Variants in PDE4D observed in about 807,000 individuals in gnomAD.
PDE4D encodes 3',5'-cyclic-AMP phosphodiesterase 4D.
A neutral mutation model predicts 87.4 loss-of-function variants in PDE4D; 24 were observed. That is an observed-to-expected ratio of 0.27 (90% CI 0.20 to 0.39). The LOEUF is 0.39. PDE4D is among the 10% of genes least tolerant of loss of function. PDE4D has a pLI of 1.00. For missense variants in PDE4D, 714 were observed against 1,041.0 expected, an observed-to-expected ratio of 0.69 and a Z score of 4.32; for synonymous variants, 384 against 383.2, an observed-to-expected ratio of 1.00 and a Z score of -0.02.
intron 1 of PDE4D, chr5:59,275,942 C>T: frequency 2.0e-6 from 2 of 985,222 alleles, no homozygotes; most frequent in Non-Finnish European, 2.4e-6. Flanking sequence ...ACAAATCTCT[C>T]CACACTTTGG....
chr5:60,391,730 C>G (rs1365546180), intron 1 of PDE4D, among the ~76,000 whole-genome samples: 1 of 152,178 alleles, frequency 6.6e-6, no homozygotes, highest in Non-Finnish European at 1.5e-5. Flanking sequence ...TTAATTCCAT[C>G]CACAATCTTA....
intron 1 of PDE4D, among the ~76,000 whole-genome samples, chr5:60,243,756 C>G (rs1268772211): frequency 3.9e-5 from 6 of 151,936 alleles, no homozygotes; most frequent in Admixed American, 2.6e-4. Flanking sequence ...ATTTCACATC[C>G]CTTTATGGTA....
intron 1 of PDE4D, among the ~76,000 whole-genome samples, chr5:59,528,191 A>G (rs1268247063): frequency 6.6e-6 from 1 of 152,230 alleles, no homozygotes; most frequent in East Asian, 1.9e-4. Context: ...TATACTGAGT[A>G]CAATCAGAAA....
At chr5:58,987,324 T>A (rs1218606878) in intron 11 of PDE4D, among the ~76,000 whole-genome samples, 1 of 152,164 alleles carries the variant, frequency 6.6e-6, no homozygotes, top group Admixed American at 6.5e-5. Flanking sequence ...GATAAATAAG[T>A]TCCTAAACTA....
intron 1 of PDE4D, among the ~76,000 whole-genome samples, chr5:59,585,363 C>A (rs1251620107): frequency 6.6e-6 from 1 of 152,166 alleles, no homozygotes; most frequent in Non-Finnish European, 1.5e-5. Context: ...GGAAAGCCCT[C>A]CGAAACCTAT....
intron 1 of PDE4D, among the ~76,000 whole-genome samples, chr5:59,724,552 GT>G (rs1202426130): frequency 6.6e-6 from 1 of 152,010 alleles, no homozygotes; most frequent in Non-Finnish European, 1.5e-5. Context: ...GAAAATACAT[GT>G]TTTTGTTTAT....
rs1158022321 is a variant in PDE4D at position 60,474,105 on chromosome 5, CATATATATATATATATATAT to C, written c.-90+13817_-90+13836del. ...TACTGTCTCAGTCCCTTTGAGCTGC[CATATATATATATATATATAT>C]ATATATATATATATATATATATATA... On this transcript the variant is annotated intron_variant, in intron 1 of 16. Transcript: ENST00000502484. Among the ~76,000 whole-genome samples, 175 of 31,010 alleles carry C rather than the reference CATATATATATATATATATAT, an allele frequency of 5.6e-3. 4 individuals carry two copies. Among genetic ancestry groups the C allele is most frequent in the Admixed American group, 9.4e-3 (17 of 1,816 alleles). 20.3% of individuals were successfully genotyped at this position (31,010 alleles called of 152,430 possible).
intron 3 of PDE4D, among the ~76,000 whole-genome samples, chr5:59,921,025 T>G (rs1278654833): frequency 6.6e-6 from 1 of 152,116 alleles, no homozygotes; most frequent in Non-Finnish European, 1.5e-5. Context: ...AAAAAAAGTG[T>G]CTACCTCATA....
chr5:59,758,973 A>G (rs943041828), intron 1 of PDE4D, among the ~76,000 whole-genome samples: 3 of 152,202 alleles, frequency 2.0e-5, no homozygotes, highest in African/African-American at 7.2e-5. Context: ...TCAAGTATCA[A>G]ATGACCAGAA....
At chr5:59,161,089 C>T (rs1030492872) in intron 5 of PDE4D, among the ~76,000 whole-genome samples, 10 of 152,170 alleles carry the variant, frequency 6.6e-5, no homozygotes, top group South Asian at 2.1e-4. Flanking sequence ...AGAGAGACTC[C>T]GTCCCACCTC....
intron 1 of PDE4D, among the ~76,000 whole-genome samples, chr5:60,299,483 G>T (rs1403916020): frequency 6.6e-6 from 1 of 152,102 alleles, no homozygotes. Context: ...TTGCTGCACA[G>T]ATCATCCCAC....
At chr5:60,304,818 C>T (rs963349793) in intron 1 of PDE4D, among the ~76,000 whole-genome samples, 4 of 151,860 alleles carry the variant, frequency 2.6e-5, no homozygotes, top group Non-Finnish European at 2.9e-5. Context: ...AGAGGAGATA[C>T]TTTAAATAAA....
At chr5:59,104,638 G>T (rs549508492) in intron 5 of PDE4D, among the ~76,000 whole-genome samples, 2 of 151,902 alleles carry the variant, frequency 1.3e-5, no homozygotes, top group African/African-American at 2.4e-5. Flanking sequence ...ATTACTTTGC[G>T]TTTTATTCAA....
intron 2 of PDE4D, among the ~76,000 whole-genome samples, chr5:60,030,616 A>T (rs950152314): frequency 6.6e-6 from 1 of 152,242 alleles, no homozygotes; most frequent in Non-Finnish European, 1.5e-5. Flanking sequence ...CAAATCTTAA[A>T]AAGACACATG....
chr5:60,441,349 A>G (rs367642508), intron 1 of PDE4D, among the ~76,000 whole-genome samples: 3 of 152,192 alleles, frequency 2.0e-5, no homozygotes, highest in East Asian at 1.9e-4. Flanking sequence ...AGGATTCCCT[A>G]TTTAATAAAT....
chr5:60,282,029 G>GAA (rs5868231), intron 1 of PDE4D, among the ~76,000 whole-genome samples: 6 of 147,640 alleles, frequency 4.1e-5, no homozygotes, highest in Admixed American at 1.3e-4. Context: ...AGGAAAAAAG[G>GAA]AAAAAAAAAT....
At chr5:59,319,850 G>A (rs766195565) in intron 1 of PDE4D, among the ~76,000 whole-genome samples, 45 of 151,450 alleles carry the variant, frequency 3.0e-4, no homozygotes, top group Admixed American at 7.9e-4. Flanking sequence ...ATTTCCATAT[G>A]AGGAGAAGTG....
At chr5:60,286,057 A>G (rs747404083) in intron 1 of PDE4D, among the ~76,000 whole-genome samples, 60 of 152,206 alleles carry the variant, frequency 3.9e-4, no homozygotes, top group Admixed American at 1.9e-3. Context: ...GGACAACTTC[A>G]GGCAAACAGG....
At chr5:59,121,896 C>A (rs1774564108) in intron 5 of PDE4D, among the ~76,000 whole-genome samples, 1 of 152,112 alleles carries the variant, frequency 6.6e-6, no homozygotes, top group Non-Finnish European at 1.5e-5. Flanking sequence ...GCAATCCCAG[C>A]ACTTTTGGAG....
Sources: gnomAD v4.1 joint callset for allele counts (sites outside exome capture counted in the v4.1 genomes callset) on GRCh38, gnomAD v4.1.1 for gene constraint, MANE v1.5 for transcripts, NCBI Gene and HGNC (gene_info 2026-07-23, HGNC 2026-07-21) for gene names.